The following EML2 variants were observed in gnomAD, a reference collection of about 807,000 sequenced individuals.
EML2 encodes the protein EMAP like 2, also known as echinoderm microtubule-associated protein-like 2.
EML2 carries 59 observed loss-of-function variants against 84.7 expected under a neutral mutation model. The observed-to-expected ratio is 0.70, with a 90% CI of 0.56 to 0.86. The LOEUF (loss-of-function observed/expected upper bound fraction) is 0.86, where lower values mean the gene tolerates loss of function less well. Ranked by LOEUF, EML2 falls within the 40% of genes least tolerant of loss-of-function variation. The pLI is 0.00. For synonymous variants in EML2, 352 were observed against 348.9 expected, an observed-to-expected ratio of 1.01 and a Z score of -0.10; for missense variants, 818 against 855.6, an observed-to-expected ratio of 0.96 and a Z score of 0.55.
At chr19:45,612,735 T>C (rs1324730217) in intron 18 of EML2, among the ~76,000 whole-genome samples, 2 of 151,994 alleles carry the variant, frequency 1.3e-5, no homozygotes, top group Non-Finnish European at 2.9e-5. Context: ...ATGAAATAAA[T>C]ATACCAAATC....
At position 45,616,121 on chromosome 19, in the gene EML2, A is replaced by G. The variant is rs962034772; in HGVS notation, c.1510-232T>C. On this transcript the variant is annotated intron_variant, in intron 15 of 18. Coordinates refer to ENST00000245925, the MANE Select transcript of EML2 (RefSeq NM_012155.4). Reference sequence around the variant, plus strand: ...CAAAAAGCACTTAGAACACAATGGGAGTTTAGAACAGGTGGGCAGGGCTAG... The same window carrying G: ...CAAAAAGCACTTAGAACACAATGGGGGTTTAGAACAGGTGGGCAGGGCTAG... The G allele has an allele frequency of 5.3e-6, 3 of 566,530 alleles. No homozygotes were observed. In the African/African-American group the frequency reaches 5.7e-5, roughly 11 times the overall value. 35.1% of individuals were successfully genotyped at this position (566,530 alleles called of 1,614,324 possible).
rs200718928 is a variant in EML2 at position 45,609,618 on chromosome 19, G to A, written c.*45C>T. The A allele has an allele frequency of 2.6e-4, 403 of 1,535,536 alleles. 1 individual carries two copies. In the East Asian group the frequency reaches 2.8e-3, roughly 11 times the overall value. ...CTCTACTCGGCAATAGACATCTCCC[G>A]AAAATAGAATTCCTGCCCTGACACC... On this transcript the variant is annotated 3_prime_UTR_variant, in exon 19 of 19. Coordinates refer to ENST00000245925, the MANE Select transcript of EML2 (RefSeq NM_012155.4).
chr19:45,634,843 C>T (rs371266832), intron 3 of EML2, among the ~76,000 whole-genome samples: 29 of 148,058 alleles, frequency 2.0e-4, no homozygotes, highest in African/African-American at 6.5e-4. Flanking sequence ...GCCACGGCAC[C>T]CAGCCTATTT....
upstream of EML2, among the ~76,000 whole-genome samples, chr19:45,643,186 G>T (rs947709253): frequency 6.6e-6 from 1 of 152,092 alleles, no homozygotes; most frequent in Admixed American, 6.6e-5. Flanking sequence ...CTGTTTCTAA[G>T]ACTTTCCAAG....
chr19:45,641,303 G>A (rs959951755), upstream of EML2: 88 of 257,010 alleles, frequency 3.4e-4, no homozygotes, highest in African/African-American at 1.9e-3. Flanking sequence ...TGTGGCTGCT[G>A]CCTTGACTTC....
rs1279746504 is a variant in EML2 at position 45,616,571 on chromosome 19, G to A, written c.1412-13C>T. On this transcript the variant is annotated splice_polypyrimidine_tract_variant and intron_variant, in intron 14 of 18. Coordinates refer to ENST00000245925, the MANE Select transcript of EML2 (RefSeq NM_012155.4). ...AGGTACGCCCCGTCTGGGGGAGGGG[G>A]AGGGGGGCTATGAGGAGGCACCCAG... is the stretch of plus-strand genomic sequence containing the variant. 3 of 1,602,998 alleles carry A rather than the reference G, an allele frequency of 1.9e-6. No individual in the cohort carries two copies. The highest frequency in any genetic ancestry group is 2.6e-6 in the Non-Finnish European group (3 of 1,171,408).
rs1970849278 is a variant in EML2, at chr19:45,614,841, G to A, written c.1598-141C>T. The stretch of plus-strand genomic sequence containing the variant: ...CTCATTCTACCTGTCAGGACTGGCT[G>A]AGAAGGCATCACATGCTGGGGTCTT... On this transcript the variant is annotated intron_variant, in intron 16 of 18. Transcript: ENST00000245925. 6.0e-6 allele frequency: 4 copies of A among 664,706 alleles called. No homozygotes were observed. The Admixed American group carries it at 7.4e-5, about 12-fold the overall frequency. 41.2% of individuals were successfully genotyped at this position (664,706 alleles called of 1,614,324 possible).
intron 3 of EML2, among the ~76,000 whole-genome samples, chr19:45,635,870 G>A (rs945550567): frequency 1.1e-4 from 17 of 152,188 alleles, no homozygotes; most frequent in Admixed American, 8.5e-4. Context: ...GGGATTATAG[G>A]CATGAGCCAC....
chr19:45,637,425 A>G (rs1435467396), intron 3 of EML2, among the ~76,000 whole-genome samples: 1 of 151,656 alleles, frequency 6.6e-6, no homozygotes, highest in Non-Finnish European at 1.5e-5. Context: ...GGAATAACTT[A>G]CAACAGTGTC....
intron 13 of EML2, among the ~76,000 whole-genome samples, chr19:45,617,288 G>A (rs1334431110): frequency 6.6e-6 from 1 of 151,936 alleles, no homozygotes; most frequent in Non-Finnish European, 1.5e-5. Context: ...AGTGGCGGTG[G>A]CTCACGCCTG....
At chr19:45,635,085 A>AGG (rs1393176016) in intron 3 of EML2, among the ~76,000 whole-genome samples, 5 of 150,228 alleles carry the variant, frequency 3.3e-5, no homozygotes, top group Non-Finnish European at 7.4e-5. Flanking sequence ...TCCTGACCTC[A>AGG]TGATCCGCCC....
chr19:45,632,617 T>C (rs921294341), intron 6 of EML2: 15 of 504,776 alleles, frequency 3.0e-5, no homozygotes, highest in South Asian at 2.4e-4. Context: ...AAAACCCGCC[T>C]GCAAATGGGC....
At chr19:45,619,517 T>A (rs1173015836) in intron 11 of EML2, 2 of 179,826 alleles carry the variant, frequency 1.1e-5, no homozygotes, top group African/African-American at 4.7e-5. Flanking sequence ...CTCCCAGGTC[T>A]CCAGCTCCAA....
intron 18 of EML2, among the ~76,000 whole-genome samples, chr19:45,612,937 G>A (rs925399271): frequency 1.3e-5 from 2 of 151,036 alleles, no homozygotes; most frequent in East Asian, 1.9e-4. Flanking sequence ...TTGCTCTGTC[G>A]CCCAGGCTAG....
At chr19:45,634,628 C>G (rs2122772202) in intron 3 of EML2, 157 bp from the exon 4 acceptor site, 1 of 345,822 alleles carries the variant, frequency 2.9e-6, no homozygotes, top group African/African-American at 2.2e-5. Flanking sequence ...GTGGCGTGAT[C>G]TCAGCTCACT....
In EML2 at chr19:45,616,499, G is replaced by C; in HGVS notation, c.1471C>G (p.Gln491Glu). The C allele has an allele frequency of 1.9e-6, 3 of 1,602,212 alleles. No homozygotes were observed. The highest frequency in any genetic ancestry group is 2.6e-6 in the Non-Finnish European group (3 of 1,170,968). ...AGGCGGCTGACCTTGCGGCCGCCCTGGTCCACCGTGTACACGTACACCAAG... is the reference window on the plus strand; with the variant it reads ...AGGCGGCTGACCTTGCGGCCGCCCTCGTCCACCGTGTACACGTACACCAAG... ...DNLVYVYTVD[Q>E]GGRKVSRLGK... The change falls in exon 15 of 19, where the codon CAG becomes GAG. Residue 491 changes from glutamine (Q) to glutamate (E), a missense_variant. Transcript: ENST00000245925.
At chr19:45,614,469 C>A in intron 17 of EML2, 136 bp downstream of exon 17, 2 of 748,984 alleles carry the variant, frequency 2.7e-6, no homozygotes, top group East Asian at 2.6e-5. Flanking sequence ...TTTCCTCTTA[C>A]ACAAATACAG....
chr19:45,631,884 ATTTTTTTTT>A (rs755529171), intron 6 of EML2, among the ~76,000 whole-genome samples: 1 of 90,318 alleles, frequency 1.1e-5, no homozygotes, highest in Non-Finnish European at 2.1e-5. Flanking sequence ...GCTAATTAGA[ATTTTTTTTT>A]TTTTTTTTTT....
chr19:45,641,396 T>C, upstream of EML2: 1 of 447,796 alleles, frequency 2.2e-6, no homozygotes, highest in Non-Finnish European at 4.1e-6. Flanking sequence ...CCTCACCCAG[T>C]AGACCTGACC....
Sources: allele counts gnomAD v4.1 joint callset (sites outside exome capture counted in the v4.1 genomes callset), GRCh38; gene constraint gnomAD v4.1.1; transcripts MANE v1.5; gene names NCBI Gene and HGNC (gene_info 2026-07-23, HGNC 2026-07-21).